The following STAG3 variants were observed in gnomAD, a reference collection of about 807,000 sequenced individuals.
STAG3 encodes STAG3 cohesin complex component, also known as cohesin subunit SA-3.
Under a neutral mutation model 160.7 loss-of-function variants are expected in STAG3, and 101 were observed. That is an observed-to-expected ratio of 0.63 (90% CI 0.54 to 0.74). The LOEUF (loss-of-function observed/expected upper bound fraction) is 0.74, where lower values mean the gene tolerates loss of function less well. STAG3 is among the 30% of genes least tolerant of loss of function. STAG3 has a pLI of 0.00. For synonymous variants in STAG3, 519 were observed against 585.0 expected, an observed-to-expected ratio of 0.89 and a Z score of 1.63; for missense variants, 1,188 against 1,517.4, an observed-to-expected ratio of 0.78 and a Z score of 3.61.
intron 29 of STAG3, 133 bp downstream of exon 29, chr7:100,205,517 C>A: frequency 2.1e-6 from 2 of 972,852 alleles, no homozygotes; most frequent in African/African-American, 1.7e-5. Context: ...TTTATCTAGT[C>A]AACTGAAAAC....
chr7:100,213,794 G>C lies in STAG3; in HGVS notation c.3660G>C (p.Glu1220Asp). 1 of 1,614,246 alleles carries C rather than the reference G, an allele frequency of 6.2e-7. No individual in the cohort carries two copies. Among genetic ancestry groups the C allele is most frequent in the Non-Finnish European group, 8.5e-7 (1 of 1,180,040 alleles). Residue 1220 changes from glutamate to aspartate, a missense_variant, in exon 33 of 34, where the codon GAG becomes GAC. By Grantham distance (45) the Glu-to-Asp change is conservative. Transcript: ENST00000615138. ...GGCTGGACCTCTTAGATTCTACAGA[G>C]CTGGATATTGAGGTGAGTGTCCCCA... Reference protein sequence around the residue: ...ERGLDLLDSTELDIEDF With the variant: ...ERGLDLLDSTDLDIEDF
chr7:100,217,562 G>C (rs142051582), downstream of STAG3, among the ~76,000 whole-genome samples: 1,835 of 152,270 alleles, frequency 0.012, 48 homozygotes, highest in African/African-American at 0.041. Flanking sequence ...CTGGGCCCGG[G>C]GGACCACTAC....
intron 29 of STAG3, among the ~76,000 whole-genome samples, chr7:100,209,544 C>T (rs1047350321): frequency 5.3e-5 from 8 of 152,228 alleles, no homozygotes; most frequent in East Asian, 1.9e-4. Context: ...TTTTGAGGAA[C>T]GACAGGATCA....
chr7:100,198,935 T>C lies in STAG3; in HGVS notation c.1445T>C (p.Leu482Pro). 1 of 1,612,224 alleles carries C rather than the reference T, an allele frequency of 6.2e-7. No homozygotes were observed. Among genetic ancestry groups the C allele is most frequent in the Non-Finnish European group, 8.5e-7 (1 of 1,180,002 alleles). The change falls in exon 14 of 34, where the codon CTG becomes CCG. Residue 482 changes from leucine to proline, a missense_variant. Leu to Pro is a moderately conservative substitution (Grantham distance 98, BLOSUM62 -3). This residue lies in a region of STAG3 where 240 missense variants were observed against 358.1 expected (regional missense o/e 0.67). Transcript: ENST00000615138. ...CAGAGGACTTTCTTCCAGCTTCTGCTGTCCTTCTTTGTGGAGAGCGAGGTG... is the reference window on the plus strand; with the variant it reads ...CAGAGGACTTTCTTCCAGCTTCTGCCGTCCTTCTTTGTGGAGAGCGAGGTG... Reference protein sequence around the residue: ...GAQRTFFQLLLSFFVESELHD... With the variant: ...GAQRTFFQLLPSFFVESELHD...
Position 100,188,809 on chromosome 7 carries a change from T to C in STAG3, c.511-3T>C. 6.2e-7 allele frequency: 1 copy of C among 1,614,110 alleles called. No individual in the cohort carries two copies. Among genetic ancestry groups the C allele is most frequent in the Non-Finnish European group, 8.5e-7 (1 of 1,179,978 alleles). ...CCCATCCTTTTCATACATCCTTTTG[T>C]AGGACTCGGGGGACTACCCTCTCAT... On this transcript the variant is annotated splice_polypyrimidine_tract_variant and splice_region_variant and intron_variant, in intron 6 of 33. Transcript: ENST00000615138.
downstream of STAG3, among the ~76,000 whole-genome samples, chr7:100,216,382 AGT>A (rs1249115953): frequency 1.2e-4 from 18 of 152,300 alleles, no homozygotes; most frequent in African/African-American, 4.1e-4. Context: ...TGACGAAATA[AGT>A]GTTTTAAAAT....
intron 15 of STAG3, 24 bp from the exon 16 acceptor site, chr7:100,199,517 T>C: frequency 6.3e-7 from 1 of 1,583,638 alleles, no homozygotes; most frequent in Non-Finnish European, 8.6e-7. Flanking sequence ...TGATTCTATG[T>C]TTTTGATCCT....
intron 27 of STAG3, 26 bp from the exon 28 acceptor site, chr7:100,204,979 T>C: frequency 6.2e-7 from 1 of 1,609,694 alleles, no homozygotes; most frequent in African/African-American, 1.3e-5. Context: ...GAGACTTTCT[T>C]CCTAAAATAA....
chr7:100,206,616 C>A (rs112547654), intron 29 of STAG3, among the ~76,000 whole-genome samples: 2 of 151,954 alleles, frequency 1.3e-5, no homozygotes, highest in Non-Finnish European at 2.9e-5. Flanking sequence ...GGATTACAGG[C>A]GTCCACCACC....
In STAG3 at chr7:100,211,421, T is replaced by A. The variant is rs368651874; in HGVS notation, c.3414-14T>A. 2 of 1,611,968 alleles carry A rather than the reference T, an allele frequency of 1.2e-6. No individual in the cohort carries two copies. The highest frequency in any genetic ancestry group is 2.7e-5 in the African/African-American group (2 of 74,682). ...TTGATTTTTATCCCATCATTGATCC[T>A]GCTTCATTCCCAGCAGTCAGCCCGT... On this transcript the variant is annotated splice_polypyrimidine_tract_variant and intron_variant, in intron 30 of 33. Transcript: ENST00000615138.
At chr7:100,186,068 T>A (rs552794910) in intron 4 of STAG3, 132 bp from the exon 5 acceptor site, 953 of 774,870 alleles carry the variant, frequency 1.2e-3, no homozygotes, top group Non-Finnish European at 1.8e-3. Flanking sequence ...TTCATTCTAG[T>A]TCACCAGTAC....
intron 25 of STAG3, among the ~76,000 whole-genome samples, chr7:100,203,342 C>T (rs1168832429): frequency 1.3e-5 from 2 of 151,962 alleles, no homozygotes; most frequent in South Asian, 2.1e-4. Context: ...TGCGCTGCCA[C>T]GCCCAGCTAA....
At chr7:100,210,235 C>A (rs910558408) in intron 29 of STAG3, among the ~76,000 whole-genome samples, 1 of 152,138 alleles carries the variant, frequency 6.6e-6, no homozygotes, top group African/African-American at 2.4e-5. Flanking sequence ...TAGCCCTCTG[C>A]TTAAACCCAT....
intron 5 of STAG3, among the ~76,000 whole-genome samples, chr7:100,188,151 T>C (rs1379083942): frequency 6.6e-6 from 1 of 152,194 alleles, no homozygotes; most frequent in African/African-American, 2.4e-5. Context: ...ATTTGTATCT[T>C]TGTGATTGGG....
chr7:100,217,410 G>T (rs1230786384), downstream of STAG3, among the ~76,000 whole-genome samples: 1 of 152,246 alleles, frequency 6.6e-6, no homozygotes, highest in Non-Finnish European at 1.5e-5. Context: ...GCCCAGCCTG[G>T]TAAGTGATGC....
chr7:100,204,869 A>G, intron 27 of STAG3, 94 bp downstream of exon 27: 1 of 1,583,994 alleles, frequency 6.3e-7, no homozygotes, highest in Middle Eastern at 1.8e-4. Flanking sequence ...GTCAAGGCAT[A>G]GCAGTCAGGT....
Position 100,211,869 on chromosome 7 carries a change from C to T in STAG3, c.3593C>T (p.Thr1198Ile). The T allele has an allele frequency of 6.2e-7, 1 of 1,613,958 alleles. No homozygotes were observed. Among genetic ancestry groups the T allele is most frequent in the African/African-American group, 1.3e-5 (1 of 75,010 alleles). The stretch of plus-strand genomic sequence containing the variant: ...GAGTCAAATGAAGAACGGCAGGATA[C>T]AGACATGGTGAGTAGACCACCCTGC... ...QDESNEERQDTDMQASSYSST... is the reference protein window; with the variant it reads ...QDESNEERQDIDMQASSYSST... Residue 1198 changes from threonine to isoleucine, a missense_variant, in exon 32 of 34, where the codon ACA becomes ATA. This residue lies in a region of STAG3 where 647 missense variants were observed against 717.2 expected (regional missense o/e 0.90). Transcript: ENST00000615138.
At chr7:100,192,803 C>A (rs765222684) in intron 8 of STAG3, among the ~76,000 whole-genome samples, 2 of 152,202 alleles carry the variant, frequency 1.3e-5, no homozygotes, top group African/African-American at 2.4e-5. Context: ...GTTGCCCAGG[C>A]TAGTCTTGAA....
rs772947890 is a variant in STAG3, at chr7:100,188,942, A to G, written c.641A>G (p.Asp214Gly). ...CTCCTCTATGATGGCTTCCCTATGGACGACCTCATCTCCCTGCTCACTGGC... is the reference window on the plus strand; with the variant it reads ...CTCCTCTATGATGGCTTCCCTATGGGCGACCTCATCTCCCTGCTCACTGGC... ...YSLLYDGFPM[D>G]DLISLLTGLS... The change falls in exon 7 of 34, where the codon GAC (aspartate) becomes GGC (glycine). Residue 214 changes from aspartate to glycine, a missense_variant. Coordinates refer to ENST00000615138, the MANE Select transcript of STAG3 (RefSeq NM_001282717.2). The G allele has an allele frequency of 1.9e-6, 3 of 1,613,978 alleles. No homozygotes were observed. Among genetic ancestry groups the G allele is most frequent in the Non-Finnish European group, 2.5e-6 (3 of 1,180,026 alleles).
Sources: gnomAD v4.1 joint callset for allele counts (sites outside exome capture counted in the v4.1 genomes callset) on GRCh38, gnomAD v4.1.1 for gene constraint, gnomAD v4.1.1 regional missense constraint, MANE v1.5 for transcripts, NCBI Gene and HGNC (gene_info 2026-07-23, HGNC 2026-07-21) for gene names.